The following CACNA1B variants were observed in gnomAD, a reference collection of about 807,000 sequenced individuals.
CACNA1B encodes voltage-dependent N-type calcium channel subunit alpha-1B.
In CACNA1B, 70 loss-of-function variants were observed where a neutral mutation model predicts 247.2. That is an observed-to-expected ratio of 0.28 (90% confidence interval 0.23 to 0.35). CACNA1B has a LOEUF of 0.35. CACNA1B is among the 10% of genes least tolerant of loss of function. The probability of loss-of-function intolerance (pLI) is 1.00; values close to 1 mark genes in which losing one functional copy is unlikely to be tolerated. For synonymous variants in CACNA1B, 1,231 were observed against 1,294.4 expected (o/e 0.95, Z 1.05); for missense variants, 2,367 against 3,197.4 (o/e 0.74, Z 6.26).
In CACNA1B at chr9:138,007,153, ACT is replaced by A. The variant is rs1413082816; in HGVS notation, c.2092+272_2092+273del. 1.3e-5 allele frequency among the ~76,000 whole-genome samples: 2 copies of A among 151,976 alleles called. No individual in the cohort carries two copies. Among genetic ancestry groups the A allele is most frequent in the African/African-American group, 4.8e-5 (2 of 41,386 alleles). ...GCGGCCAGCAGCAGGCCCAGGACAG[ACT>A]CTGAGCAGCAGTCGGGGAGCCTCAC... On this transcript the variant is annotated intron_variant, in intron 16 of 46. Transcript: ENST00000371372. The surrounding 1 kb of genome is among the most constrained non-coding windows in gnomAD (Gnocchi z 4.1).
intron 6 of CACNA1B, among the ~76,000 whole-genome samples, chr9:137,941,934 CAAGAACCCAA>C (rs1300624744): frequency 2.0e-5 from 3 of 152,072 alleles, no homozygotes; most frequent in African/African-American, 7.2e-5. Context: ...ACTTCATGAC[CAAGAACCCAA>C]AAGAAAATGC....
Position 138,058,823 on chromosome 9 carries a change from C to T in CACNA1B, c.4473+90C>T. The stretch of plus-strand genomic sequence containing the variant: ...TGAGTGGAGAGTCAGCCTTCTTCCT[C>T]CCTGCATGAGCCAAAGCAGTAGTGG... On this transcript the variant is annotated intron_variant, in intron 29 of 46. Transcript: ENST00000371372. The surrounding 1 kb of genome is among the most constrained non-coding windows in gnomAD (Gnocchi z 4.7). 1 of 1,230,330 alleles carries T rather than the reference C, an allele frequency of 8.1e-7. No individual in the cohort carries two copies. Among genetic ancestry groups the T allele is most frequent in the Admixed American group, 2.2e-5 (1 of 46,064 alleles). The allele number at this position is 1,230,330 out of a possible 1,614,324, so 76.2% of individuals were successfully genotyped here. A position where few individuals can be genotyped will look rare whatever the true frequency, so the allele number is the denominator to read the frequency against.
chr9:137,979,912 C>T (rs879303347), intron 12 of CACNA1B, among the ~76,000 whole-genome samples: 5 of 152,196 alleles, frequency 3.3e-5, no homozygotes, highest in Non-Finnish European at 7.3e-5. Context: ...AGCAAGGGGA[C>T]ACCAGGAAGC....
At chr9:138,000,223 C>G (rs951708843) in intron 15 of CACNA1B, among the ~76,000 whole-genome samples, 3 of 151,754 alleles carry the variant, frequency 2.0e-5, no homozygotes, top group Non-Finnish European at 4.4e-5. Context: ...CTCAGCCTCC[C>G]GAGTGGCTGG....
intron 20 of CACNA1B, among the ~76,000 whole-genome samples, chr9:138,029,291 T>A (rs747083615): frequency 1.3e-5 from 2 of 152,254 alleles, no homozygotes; most frequent in South Asian, 2.1e-4. Context: ...GGGTAGCTCA[T>A]GTAGTATAGG....
intron 6 of CACNA1B, among the ~76,000 whole-genome samples, chr9:137,931,743 C>T (rs1019345884): frequency 2.0e-5 from 3 of 152,096 alleles, no homozygotes; most frequent in African/African-American, 7.2e-5. Context: ...GGTGTCTTTA[C>T]CTGGAACTGG....
chr9:138,031,246 G>A (rs969062814), intron 20 of CACNA1B, among the ~76,000 whole-genome samples: 5 of 151,902 alleles, frequency 3.3e-5, no homozygotes, highest in Non-Finnish European at 5.9e-5. Context: ...TTTCAGTCCC[G>A]TTTAAAAAAT....
chr9:138,027,650 A>T (rs998720455), intron 20 of CACNA1B, among the ~76,000 whole-genome samples: 6 of 152,124 alleles, frequency 3.9e-5, no homozygotes, highest in Non-Finnish European at 7.4e-5. Context: ...AAGTGTTTTT[A>T]TCTGGAATAG....
At chr9:138,075,957 G>A (rs1354785691) in intron 35 of CACNA1B, 47 bp downstream of exon 35, 4 of 1,277,276 alleles carry the variant, frequency 3.1e-6, no homozygotes. Context: ...TTCCGTCGGG[G>A]GCTGCTTTAC....
In CACNA1B at chr9:137,990,031, C is replaced by G. The variant is rs1267930063; in HGVS notation, c.1974+3177C>G. Among the ~76,000 whole-genome samples, 1 of 152,130 alleles carries G rather than the reference C, an allele frequency of 6.6e-6. No individual in the cohort carries two copies. The highest frequency in any genetic ancestry group is 1.5e-5 in the Non-Finnish European group (1 of 68,016). ...TGAACTTTTGCTCCAAGAACTACCA[C>G]GGGAAGTTCTTGGAACTACCACAGG... On this transcript the variant is annotated intron_variant, in intron 15 of 46. Coordinates refer to ENST00000371372, the MANE Select transcript of CACNA1B (RefSeq NM_000718.4). The surrounding 1 kb of genome is among the most constrained non-coding windows in gnomAD (Gnocchi z 4.5).
chr9:138,043,890 C>T lies in CACNA1B; in HGVS notation c.3403C>T (p.Pro1135Ser), dbSNP rs763882338. ...VPYSSMFCLS[P>S]TNLLRRFCHY... ...ATACAGCTCCATGTTCTGTTTAAGC[C>T]CCACCAACCTGTGAGTCTCCTTGCC... Residue 1135 changes from proline (P) to serine (S), a missense_variant, in exon 21 of 47, where the codon CCC becomes TCC. Coordinates refer to ENST00000371372, the MANE Select transcript of CACNA1B (RefSeq NM_000718.4). The T allele has an allele frequency of 1.2e-5, 19 of 1,613,366 alleles. No individual in the cohort carries two copies. In the African/African-American group the frequency reaches 2.4e-4, roughly 20 times the overall value.
At chr9:137,883,961 C>T (rs1159959792) in intron 3 of CACNA1B, among the ~76,000 whole-genome samples, 5 of 150,544 alleles carry the variant, frequency 3.3e-5, no homozygotes, top group South Asian at 2.1e-4. Context: ...GTGGAGTCCT[C>T]GAGTCTGGGG....
intron 3 of CACNA1B, among the ~76,000 whole-genome samples, chr9:137,889,101 G>A (rs1452444004): frequency 5.3e-5 from 8 of 150,112 alleles, no homozygotes; most frequent in East Asian, 1.9e-4. Flanking sequence ...GCCCAGAGAC[G>A]CTGCCTTCCC....
rs1957455168 is a variant in CACNA1B, at chr9:137,919,676, T to C, written c.966+2245T>C. 6.6e-6 allele frequency among the ~76,000 whole-genome samples: 1 copy of C among 152,238 alleles called. No homozygotes were observed. Among genetic ancestry groups the C allele is most frequent in the African/African-American group, 2.4e-5 (1 of 41,458 alleles). On this transcript the variant is annotated intron_variant, in intron 6 of 46. Coordinates refer to ENST00000371372, the MANE Select transcript of CACNA1B (RefSeq NM_000718.4). The surrounding 1 kb of genome is among the most constrained non-coding windows in gnomAD (Gnocchi z 4.6). ...CTTCAAGCAATGACATCTGGGTTCT[T>C]TGTGGGCGGAAGCCCACGGCCTGCA...
rs34168944 is a variant in CACNA1B at position 137,893,354 on chromosome 9, TA to T, written c.530+10485del. 4.3e-3 allele frequency among the ~76,000 whole-genome samples: 596 copies of T among 139,716 alleles called. 1 individual carries two copies. The highest frequency in any genetic ancestry group is 9.2e-3 in the African/African-American group (353 of 38,216). 91.7% of individuals were successfully genotyped at this position (139,716 alleles called of 152,430 possible). A position where few individuals can be genotyped will look rare whatever the true frequency, so the allele number is the denominator to read the frequency against. ...CGCTGATATTAACAACTCCCCCCTTTAAAAAAAAAAAAAACACTGGGTGCGG... is the reference window on the plus strand; with the variant it reads ...CGCTGATATTAACAACTCCCCCCTTTAAAAAAAAAAAAACACTGGGTGCGG... On this transcript the variant is annotated intron_variant, in intron 3 of 46. Transcript: ENST00000371372.
At chr9:137,920,733 C>G (rs1957468020) in intron 6 of CACNA1B, among the ~76,000 whole-genome samples, 1 of 152,122 alleles carries the variant, frequency 6.6e-6, no homozygotes, top group African/African-American at 2.4e-5. Context: ...CGTGAAGATC[C>G]AAGTTTGAAA....
rs1959425343 is a variant in CACNA1B, at chr9:138,054,605, T to C, written c.3968+599T>C. On this transcript the variant is annotated intron_variant, in intron 26 of 46. Transcript: ENST00000371372. The surrounding 1 kb of genome is among the most constrained non-coding windows in gnomAD (Gnocchi z 4.6). ...GCTTCCTCCTGTGCCGTGTGACTGA[T>C]GGGCACTTGGCTGTTTGCAGCTGGG... 6.6e-6 allele frequency among the ~76,000 whole-genome samples: 1 copy of C among 152,214 alleles called. No homozygotes were observed. Among genetic ancestry groups the C allele is most frequent in the African/African-American group, 2.4e-5 (1 of 41,460 alleles).
chr9:138,067,443 A>C (rs1959958812), intron 31 of CACNA1B, among the ~76,000 whole-genome samples: 1 of 152,268 alleles, frequency 6.6e-6, no homozygotes, highest in South Asian at 2.1e-4. Context: ...GCCCAGGCCT[A>C]TAATCCTAGC....
intron 39 of CACNA1B, among the ~76,000 whole-genome samples, chr9:138,107,774 C>G (rs1184487628): frequency 6.6e-6 from 1 of 152,068 alleles, no homozygotes; most frequent in African/African-American, 2.4e-5. Flanking sequence ...TGCCTGAGCT[C>G]AGAAGTTCAA....
Sources: gnomAD v4.1 joint callset for allele counts (sites outside exome capture counted in the v4.1 genomes callset) on GRCh38, gnomAD v4.1.1 for gene constraint, Gnocchi (gnomAD v3.1) non-coding constraint, MANE v1.5 for transcripts, NCBI Gene and HGNC (gene_info 2026-07-23, HGNC 2026-07-21) for gene names.